Variants in IKBKB observed in about 807,000 individuals in gnomAD.
IKBKB encodes the protein inhibitor of nuclear factor kappa B kinase subunit beta, also known as inhibitor of nuclear factor kappa-B kinase subunit beta.
A neutral mutation model predicts 113.6 loss-of-function variants in IKBKB; 42 were observed. The observed-to-expected ratio is 0.37, with a 90% confidence interval of 0.29 to 0.48. The LOEUF (loss-of-function observed/expected upper bound fraction) is 0.48, where lower values mean the gene tolerates loss of function less well. Ranked by LOEUF, IKBKB falls within the 20% of genes least tolerant of loss-of-function variation. The pLI is 0.99. For missense variants in IKBKB, 673 were observed against 939.7 expected, an observed-to-expected ratio of 0.72 and a Z score of 3.71; for synonymous variants, 296 against 361.3, an observed-to-expected ratio of 0.82 and a Z score of 2.05.
chr8:42,308,781 G>A lies in IKBKB; in HGVS notation c.568-120G>A, dbSNP rs1208003103. The A allele has an allele frequency of 9.0e-6, 8 of 890,550 alleles. No individual in the cohort carries two copies. The Admixed American group carries it at 1.3e-4, about 15-fold the overall frequency. 55.2% of individuals were successfully genotyped at this position (890,550 alleles called of 1,614,324 possible). A position where few individuals can be genotyped will look rare whatever the true frequency, so the allele number is the denominator to read the frequency against. ...CTGGGGTGCCCTCCTCGCCCTGCAT[G>A]CATGTGCCAGTGCCCTCTAGGATGA... is the stretch of plus-strand genomic sequence containing the variant. On this transcript the variant is annotated intron_variant, in intron 7 of 21. Transcript: ENST00000520810.
At chr8:42,272,027 G>C (rs1170787032) in intron 1 of IKBKB, 56 bp from the exon 2 acceptor site, 16 of 1,550,042 alleles carry the variant, frequency 1.0e-5, no homozygotes, top group Non-Finnish European at 1.4e-5. Flanking sequence ...CCATCCCTTT[G>C]AGCTCCATTT....
chr8:42,322,576 A>G, intron 19 of IKBKB, 82 bp downstream of exon 19: 1 of 1,424,048 alleles, frequency 7.0e-7, no homozygotes, highest in South Asian at 1.2e-5. Context: ...GCCATCCCAC[A>G]CGGGACACCA....
intron 2 of IKBKB, among the ~76,000 whole-genome samples, chr8:42,279,037 A>G (rs1272245502): frequency 1.3e-5 from 2 of 152,030 alleles, no homozygotes; most frequent in African/African-American, 4.8e-5. Flanking sequence ...GGTGGAATTA[A>G]CAGCGCTTAG....
chr8:42,288,835 G>A lies in IKBKB; in HGVS notation c.200+107G>A, dbSNP rs1416670947. ...TGCGTGGCTCACGCCTGTAATCCTA[G>A]CACTTTGGAAGGCCAAGGCGGGCAG... On this transcript the variant is annotated intron_variant, in intron 3 of 21. Transcript: ENST00000520810. The A allele has an allele frequency of 7.0e-6, 6 of 852,760 alleles. No individual in the cohort carries two copies. The Admixed American group carries it at 9.4e-5, about 13-fold the overall frequency. The allele number at this position is 852,760 out of a possible 1,614,324, so 52.8% of individuals were successfully genotyped here. A position where few individuals can be genotyped will look rare whatever the true frequency, so the allele number is the denominator to read the frequency against.
At chr8:42,285,440 C>T (rs1440068722) in intron 2 of IKBKB, among the ~76,000 whole-genome samples, 8 of 151,866 alleles carry the variant, frequency 5.3e-5, no homozygotes, top group African/African-American at 2.4e-5. Context: ...GCTTGTAATC[C>T]CAGCTACTTG....
chr8:42,294,396 C>T (rs1014230198), intron 5 of IKBKB, among the ~76,000 whole-genome samples: 1 of 152,154 alleles, frequency 6.6e-6, no homozygotes, highest in Non-Finnish European at 1.5e-5. Flanking sequence ...CAGCAAAACT[C>T]ACATACCGTT....
Position 42,316,874 on chromosome 8 carries a change from G to A in IKBKB, c.1095G>A (p.Lys365=), listed in dbSNP as rs1481505140. The A allele has an allele frequency of 6.2e-7, 1 of 1,613,800 alleles. No homozygotes were observed. Among genetic ancestry groups the A allele is most frequent in the Non-Finnish European group, 8.5e-7 (1 of 1,180,002 alleles). The change falls in exon 11 of 22, where the codon AAG becomes AAA. Residue 365 remains lysine (K), a synonymous_variant. Coordinates refer to ENST00000520810, the MANE Select transcript of IKBKB (RefSeq NM_001556.3). The surrounding 1 kb of genome is among the most constrained non-coding windows in gnomAD (Gnocchi z 4.5). ...QEAGLALIPD[K]PATQCISDGK... ...CGGGCCTGGCGTTGATCCCCGATAA[G>A]CCTGCCACTCAGTGTATTTCAGACG...
chr8:42,271,966 G>C, intron 1 of IKBKB, 117 bp from the exon 2 acceptor site: 1 of 1,111,270 alleles, frequency 9.0e-7, no homozygotes, highest in South Asian at 1.6e-5. Context: ...TAAAAAACCA[G>C]TTGTATTTTT....
intron 17 of IKBKB, 48 bp from the exon 18 acceptor site, chr8:42,322,006 C>T: frequency 1.9e-6 from 3 of 1,605,450 alleles, no homozygotes; most frequent in Non-Finnish European, 2.6e-6. Flanking sequence ...GGCATCACTA[C>T]TCTCTGCTGG....
At chr8:42,329,515 T>A (rs1821412442) in intron 21 of IKBKB, 3 of 877,420 alleles carry the variant, frequency 3.4e-6, no homozygotes, top group Admixed American at 1.2e-4. Flanking sequence ...TTTATAATTT[T>A]CTAGTACACA....
At chr8:42,284,247 C>T (rs1353336862) in intron 2 of IKBKB, among the ~76,000 whole-genome samples, 1 of 152,104 alleles carries the variant, frequency 6.6e-6, no homozygotes, top group Admixed American at 6.5e-5. Flanking sequence ...ACCATCAGTC[C>T]CACCTGGGAT....
chr8:42,285,585 A>G (rs115164568), intron 2 of IKBKB, among the ~76,000 whole-genome samples: 2,692 of 152,276 alleles, frequency 0.018, 62 homozygotes, highest in African/African-American at 0.061. Context: ...AGGTTTTACA[A>G]TTGTTGAGAG....
intron 13 of IKBKB, chr8:42,318,950 C>G (rs1819237645): frequency 1.9e-6 from 1 of 529,718 alleles, no homozygotes; most frequent in Middle Eastern, 5.0e-4. Flanking sequence ...CAGAGGAGCT[C>G]ACTACCATGT....
Position 42,319,317 on chromosome 8 carries a change from C to G in IKBKB, c.1412C>G (p.Ser471Cys). 2 of 1,614,094 alleles carry G rather than the reference C, an allele frequency of 1.2e-6. No homozygotes were observed. The highest frequency in any genetic ancestry group is 1.7e-6 in the Non-Finnish European group (2 of 1,179,962). The change falls in exon 14 of 22, where the codon TCC (serine) becomes TGC (cysteine). Residue 471 changes from serine (S) to cysteine (C), a missense_variant. By Grantham distance (112) the Ser-to-Cys change is moderately radical. Coordinates refer to ENST00000520810, the MANE Select transcript of IKBKB (RefSeq NM_001556.3). Reference sequence around the variant, plus strand: ...AGCTGCCTCTCCAAAATGAAGAATTCCATGGCTTCCATGTCTCAGCAGCTC... The same window carrying G: ...AGCTGCCTCTCCAAAATGAAGAATTGCATGGCTTCCATGTCTCAGCAGCTC... ...NNSCLSKMKN[S>C]MASMSQQLKA...
chr8:42,309,937 T>C, intron 8 of IKBKB, among the ~76,000 whole-genome samples: 1 of 152,334 alleles, frequency 6.6e-6, no homozygotes, highest in East Asian at 1.9e-4. Flanking sequence ...GATATGTTTA[T>C]ATAAAAGTTA....
chr8:42,290,300 A>G, intron 4 of IKBKB, 27 bp downstream of exon 4: 2 of 1,491,258 alleles, frequency 1.3e-6, no homozygotes, highest in Non-Finnish European at 1.9e-6. Flanking sequence ...TGCCAGGTGC[A>G]CAGCCTGTCT....
intron 2 of IKBKB, among the ~76,000 whole-genome samples, chr8:42,279,554 C>G (rs972087422): frequency 2.0e-5 from 3 of 152,202 alleles, no homozygotes; most frequent in African/African-American, 4.8e-5. Flanking sequence ...TACGTGCTTT[C>G]TCTCCAGCCC....
At chr8:42,321,037 CTT>C (rs1320132973) in intron 16 of IKBKB, 193 bp downstream of exon 16, 1 of 479,522 alleles carries the variant, frequency 2.1e-6, no homozygotes, top group East Asian at 3.6e-5. Context: ...GAAAAACAGT[CTT>C]AAGTCACGAA....
intron 2 of IKBKB, among the ~76,000 whole-genome samples, chr8:42,277,335 A>C (rs1809387006): frequency 6.6e-6 from 1 of 151,658 alleles, no homozygotes; most frequent in South Asian, 2.1e-4. Flanking sequence ...GGCACCTGCC[A>C]CCATGCCTGG....
Sources: gnomAD v4.1 joint callset for allele counts (sites outside exome capture counted in the v4.1 genomes callset) on GRCh38, gnomAD v4.1.1 for gene constraint, Gnocchi (gnomAD v3.1) non-coding constraint, MANE v1.5 for transcripts, NCBI Gene and HGNC (gene_info 2026-07-23, HGNC 2026-07-21) for gene names.